UNC5A: variants seen among roughly 807,000 people sequenced by gnomAD.
The protein encoded by UNC5A is netrin receptor UNC5A.
UNC5A carries 20 observed loss-of-function variants against 87.4 expected under a neutral mutation model. The ratio of observed to expected loss-of-function variants is 0.23; its 90% confidence interval spans 0.16 to 0.33. UNC5A has a LOEUF of 0.33. Among genes scored for constraint, UNC5A ranks in the 10% least tolerant of loss-of-function variants. The pLI is 1.00. For missense variants in UNC5A, 844 were observed against 1,133.4 expected (o/e 0.74, Z 3.67); for synonymous variants, 438 against 482.3 (o/e 0.91, Z 1.20).
Position 176,866,809 on chromosome 5 carries a change from G to A in UNC5A, c.293-1321G>A, listed in dbSNP as rs1224439219. 1.3e-5 allele frequency among the ~76,000 whole-genome samples: 2 copies of A among 152,122 alleles called. No homozygotes were observed. Among genetic ancestry groups the A allele is most frequent in the Non-Finnish European group, 2.9e-5 (2 of 68,016 alleles). On this transcript the variant is annotated intron_variant, in intron 2 of 14. Transcript: ENST00000329542. This position sits in a 1 kb window ranked among gnomAD's most constrained non-coding sequence, Gnocchi z 5.0. ...CCACCCCCTGAGAGTGTCCACACTG[G>A]GTGTCTTAGAGAACGGGGCAGGTGG...
At position 176,874,758 on chromosome 5, in the gene UNC5A, T is replaced by G. The variant is rs1376815497; in HGVS notation, c.1378+192T>G. 6.6e-6 allele frequency among the ~76,000 whole-genome samples: 1 copy of G among 152,208 alleles called. No homozygotes were observed. The highest frequency in any genetic ancestry group is 1.9e-4 in the East Asian group (1 of 5,186). ...AGAGCTGTCTTCCTCTTGTTGCCTGTGGGCACAAGGTAATTGTCCATTCAT... is the reference window on the plus strand; with the variant it reads ...AGAGCTGTCTTCCTCTTGTTGCCTGGGGGCACAAGGTAATTGTCCATTCAT... On this transcript the variant is annotated intron_variant, in intron 8 of 14. Transcript: ENST00000329542. This position sits in a 1 kb window ranked among gnomAD's most constrained non-coding sequence, Gnocchi z 7.6.
chr5:176,829,591 GTGGA>G (rs1205219562), intron 1 of UNC5A, among the ~76,000 whole-genome samples: 2 of 145,808 alleles, frequency 1.4e-5, no homozygotes, highest in Non-Finnish European at 3.0e-5. Flanking sequence ...GATAAAGTAG[GTGGA>G]TGGATGGGTG....
chr5:176,840,145 C>T (rs1757240985), intron 1 of UNC5A, among the ~76,000 whole-genome samples: 1 of 152,226 alleles, frequency 6.6e-6, no homozygotes, highest in Non-Finnish European at 1.5e-5. Flanking sequence ...GCGTGAGCCA[C>T]CGCGCCTGGC....
intron 1 of UNC5A, among the ~76,000 whole-genome samples, chr5:176,818,277 C>G (rs1756643112): frequency 6.6e-6 from 1 of 152,182 alleles, no homozygotes; most frequent in Admixed American, 6.5e-5. Flanking sequence ...CCGATGCACC[C>G]GTGTCGCCAT....
At position 176,878,076 on chromosome 5, in the gene UNC5A, C is replaced by T. The variant is rs371954378; in HGVS notation, c.1818C>T (p.Leu606=). 1.1e-5 allele frequency: 18 copies of T among 1,610,016 alleles called. No individual in the cohort carries two copies. Among genetic ancestry groups the T allele is most frequent in the South Asian group, 9.9e-5 (9 of 91,088 alleles). Residue 606 remains leucine, a synonymous_variant, in exon 11 of 15, where the codon CTC becomes CTT. Transcript: ENST00000329542. ...TTGCGCCGGTGGCCTGCACCTCCCT[C>T]GAGTACAACATCCGGGTCTACTGCC... The part of the protein sequence containing the change: ...LLFAPVACTS[L]EYNIRVYCLH...
At position 176,875,070 on chromosome 5, in the gene UNC5A, C is replaced by A. The variant is rs1758227354; in HGVS notation, c.1378+504C>A. ...ACTCCCACCCGAAATTCCCAAGTCCCTCAGCTTAGATGACCCCATGCGCTC... is the reference window on the plus strand; with the variant it reads ...ACTCCCACCCGAAATTCCCAAGTCCATCAGCTTAGATGACCCCATGCGCTC... On this transcript the variant is annotated intron_variant, in intron 8 of 14. Transcript: ENST00000329542. The surrounding 1 kb of genome is among the most constrained non-coding windows in gnomAD (Gnocchi z 5.2). Among the ~76,000 whole-genome samples the A allele has an allele frequency of 6.6e-6, 1 of 152,222 alleles. No individual in the cohort carries two copies. The highest frequency in any genetic ancestry group is 1.5e-5 in the Non-Finnish European group (1 of 68,040).
At chr5:176,872,297 A>C (rs78076569) in intron 6 of UNC5A, among the ~76,000 whole-genome samples, 75 of 6,194 alleles carry the variant, frequency 0.012, no homozygotes, top group Non-Finnish European at 0.019. Flanking sequence ...CCACAGCTTC[A>C]CATCTGCCCA....
rs990916296 is a variant in UNC5A, at chr5:176,838,654, C to T, written c.71-23970C>T. ...TCTTCCCTGGTGTTGGCCATATCCT[C>T]GGCTTCCCCAGGGCATCCCCTAACA... is the stretch of plus-strand genomic sequence containing the variant. On this transcript the variant is annotated intron_variant, in intron 1 of 14. Coordinates refer to ENST00000329542, the MANE Select transcript of UNC5A (RefSeq NM_133369.3). The surrounding 1 kb of genome is among the most constrained non-coding windows in gnomAD (Gnocchi z 4.2). 1.2e-3 allele frequency among the ~76,000 whole-genome samples: 189 copies of T among 152,364 alleles called. No homozygotes were observed. The highest frequency in any genetic ancestry group is 4.3e-3 in the African/African-American group (177 of 41,584).
rs1197195722 is a variant in UNC5A, at chr5:176,878,480, C to A, written c.2025C>A (p.Ile675=). The change falls in exon 13 of 15, where the codon ATC becomes ATA. Residue 675 remains isoleucine (I), a synonymous_variant. Coordinates refer to ENST00000329542, the MANE Select transcript of UNC5A (RefSeq NM_133369.3). ...CCTCTCTGCATCCCCATCAGGAGAT[C>A]CCCTTTTATCACATCTGGAATGGCA... ...KSKLLVSYQE[I]PFYHIWNGTQ... 1 of 1,612,276 alleles carries A rather than the reference C, an allele frequency of 6.2e-7. No individual in the cohort carries two copies. Among genetic ancestry groups the A allele is most frequent in the Non-Finnish European group, 8.5e-7 (1 of 1,179,182 alleles).
At chr5:176,832,979 G>T (rs1757064010) in intron 1 of UNC5A, among the ~76,000 whole-genome samples, 1 of 152,188 alleles carries the variant, frequency 6.6e-6, no homozygotes, top group Non-Finnish European at 1.5e-5. Flanking sequence ...GGAGGCTCAT[G>T]CCTTCTTAAA....
Position 176,844,067 on chromosome 5 carries a change from G to A in UNC5A, c.71-18557G>A, listed in dbSNP as rs747104501. Among the ~76,000 whole-genome samples, 9 of 152,342 alleles carry A rather than the reference G, an allele frequency of 5.9e-5. No homozygotes were observed. The highest frequency in any genetic ancestry group is 1.7e-4 in the African/African-American group (7 of 41,582). On this transcript the variant is annotated intron_variant, in intron 1 of 14. Transcript: ENST00000329542. The surrounding 1 kb of genome is among the most constrained non-coding windows in gnomAD (Gnocchi z 4.2). ...TTTACAGAGACAGGAGGCAGGGGAC[G>A]GGGAGGACGAGGAGGAGGGGCCCTG...
Position 176,853,576 on chromosome 5 carries a change from C to T in UNC5A, c.71-9048C>T, listed in dbSNP as rs188405933. Among the ~76,000 whole-genome samples the T allele has an allele frequency of 8.4e-4, 128 of 152,352 alleles. 1 individual carries two copies. Among genetic ancestry groups the T allele is most frequent in the Admixed American group, 1.5e-3 (23 of 15,308 alleles). ...GCTGCTTCAGTGACACCTTCATGCA[C>T]ACGTTACTATGGAAACCAGAGTGCC... On this transcript the variant is annotated intron_variant, in intron 1 of 14. Transcript: ENST00000329542.
At chr5:176,811,375 G>T (rs1317316064) in intron 1 of UNC5A, among the ~76,000 whole-genome samples, 2 of 152,204 alleles carry the variant, frequency 1.3e-5, no homozygotes, top group South Asian at 2.1e-4. Flanking sequence ...GCGTGGAGGC[G>T]CATACACCAG....
chr5:176,861,539 C>G (rs928229986), intron 1 of UNC5A, among the ~76,000 whole-genome samples: 1 of 152,216 alleles, frequency 6.6e-6, no homozygotes, highest in African/African-American at 2.4e-5. Flanking sequence ...GCGTATGTGC[C>G]CCTCGGTGGG....
At chr5:176,830,161 A>AG (rs1756963702) in intron 1 of UNC5A, among the ~76,000 whole-genome samples, 1 of 152,138 alleles carries the variant, frequency 6.6e-6, no homozygotes, top group African/African-American at 2.4e-5. Flanking sequence ...AACCGCTCTA[A>AG]GGGGCTCCCT....
chr5:176,864,340 C>A (rs1035366387), intron 2 of UNC5A, among the ~76,000 whole-genome samples: 2 of 152,182 alleles, frequency 1.3e-5, no homozygotes, highest in Middle Eastern at 3.2e-3. Flanking sequence ...CGCTAAGGGG[C>A]CCCTGGAGGC....
chr5:176,829,712 T>C (rs1756953641), intron 1 of UNC5A, among the ~76,000 whole-genome samples: 1 of 151,922 alleles, frequency 6.6e-6, no homozygotes, highest in South Asian at 2.1e-4. Context: ...CACAGAAGAC[T>C]CCCTTGCCAT....
intron 8 of UNC5A, among the ~76,000 whole-genome samples, chr5:176,876,722 G>A (rs1020392559): frequency 1.3e-5 from 2 of 152,216 alleles, no homozygotes; most frequent in Non-Finnish European, 2.9e-5. Context: ...AGGACGGGAG[G>A]GCAGTGGGGG....
rs1757475983 is a variant in UNC5A, at chr5:176,848,851, T to C, written c.71-13773T>C. On this transcript the variant is annotated intron_variant, in intron 1 of 14. Transcript: ENST00000329542. The surrounding 1 kb of genome is among the most constrained non-coding windows in gnomAD (Gnocchi z 5.8). Reference sequence around the variant, plus strand: ...GATTGCAGCTTCTCCCCTCTCGGCCTCTGGAAGGGACAGTGCCCTCAGGCC... The same window carrying C: ...GATTGCAGCTTCTCCCCTCTCGGCCCCTGGAAGGGACAGTGCCCTCAGGCC... Among the ~76,000 whole-genome samples the C allele has an allele frequency of 6.6e-6, 1 of 152,158 alleles. No individual in the cohort carries two copies. The highest frequency in any genetic ancestry group is 1.5e-5 in the Non-Finnish European group (1 of 68,022).
Sources: allele counts gnomAD v4.1 joint callset (sites outside exome capture counted in the v4.1 genomes callset), GRCh38; gene constraint gnomAD v4.1.1; non-coding constraint Gnocchi (gnomAD v3.1); transcripts MANE v1.5; gene names NCBI Gene and HGNC (gene_info 2026-07-23, HGNC 2026-07-21).